The following ATRNL1 variants were observed in gnomAD, a reference collection of about 807,000 sequenced individuals.
ATRNL1 encodes the protein attractin-like protein 1.
ATRNL1 carries 95 observed loss-of-function variants against 182.7 expected under a neutral mutation model. That is an observed-to-expected ratio of 0.52 (90% confidence interval 0.44 to 0.62). ATRNL1 has a LOEUF of 0.62. Ranked by LOEUF, ATRNL1 falls within the 20% of genes least tolerant of loss-of-function variation. The probability of loss-of-function intolerance (pLI) is 0.00; values close to 1 mark genes in which losing one functional copy is unlikely to be tolerated. For missense variants in ATRNL1, 1,471 were observed against 1,679.5 expected (o/e 0.88, Z 2.17); for synonymous variants, 576 against 568.3 (o/e 1.01, Z -0.19).
At chr10:115,836,839 C>T (rs1454375500) in intron 27 of ATRNL1, among the ~76,000 whole-genome samples, 2 of 152,154 alleles carry the variant, frequency 1.3e-5, no homozygotes, top group Non-Finnish European at 2.9e-5. Context: ...GATCTGCTTC[C>T]CAGTTGATAC....
intron 16 of ATRNL1, among the ~76,000 whole-genome samples, 160 bp from the exon 17 acceptor site, chr10:115,301,695 G>C (rs1350423144): frequency 2.6e-5 from 4 of 152,130 alleles, no homozygotes; most frequent in African/African-American, 7.2e-5. Flanking sequence ...ATTTTAAGAA[G>C]TATTGATATA....
chr10:115,568,990 TCAGA>T (rs1281866652), intron 26 of ATRNL1, among the ~76,000 whole-genome samples: 2 of 151,982 alleles, frequency 1.3e-5, no homozygotes, highest in Admixed American at 6.6e-5. Flanking sequence ...AAACCTGAGT[TCAGA>T]CAATTTGCAC....
intron 26 of ATRNL1, among the ~76,000 whole-genome samples, chr10:115,565,124 T>G (rs1854000065): frequency 6.6e-6 from 1 of 151,964 alleles, no homozygotes; most frequent in South Asian, 2.1e-4. Flanking sequence ...GCTATGTAAT[T>G]CTGAGAAATA....
At chr10:115,106,420 T>TG (rs1348744909) in intron 1 of ATRNL1, among the ~76,000 whole-genome samples, 1 of 152,120 alleles carries the variant, frequency 6.6e-6, no homozygotes, top group African/African-American at 2.4e-5. Flanking sequence ...GTTAAGACTT[T>TG]GGGGGACTGT....
intron 26 of ATRNL1, 79 bp from the exon 27 acceptor site, chr10:115,727,169 A>G (rs1014917183): frequency 3.1e-6 from 3 of 973,880 alleles, no homozygotes; most frequent in African/African-American, 3.2e-5. Flanking sequence ...GCCATTTGTT[A>G]AAAGAGGGAA....
rs140660613 is a variant in ATRNL1 at position 115,421,021 on chromosome 10, C to T, written c.3270-5229C>T. ...GAAGAAATAGAAAACCTGGGCAGAC[C>T]AATAATGAGAAACAAGATTGAATCA... On this transcript the variant is annotated intron_variant, in intron 20 of 28. Transcript: ENST00000355044. 4.1e-3 allele frequency among the ~76,000 whole-genome samples: 627 copies of T among 151,972 alleles called. 2 individuals are homozygous for T. The highest frequency in any genetic ancestry group is 0.013 in the African/African-American group (545 of 41,440).
intron 24 of ATRNL1, among the ~76,000 whole-genome samples, chr10:115,498,819 A>T (rs961191543): frequency 2.3e-4 from 35 of 152,054 alleles, no homozygotes; most frequent in Non-Finnish European, 4.4e-4. Context: ...TGTTTTGGGT[A>T]GTAGAACATG....
At chr10:115,691,513 G>A (rs1555048209) in intron 26 of ATRNL1, among the ~76,000 whole-genome samples, 1 of 152,178 alleles carries the variant, frequency 6.6e-6, no homozygotes, top group African/African-American at 2.4e-5. Flanking sequence ...CCTGAGTTCA[G>A]GAATTGGAGA....
At chr10:115,170,994 A>G (rs1847266587) in intron 7 of ATRNL1, 43 bp from the exon 8 acceptor site, 1 of 1,191,134 alleles carries the variant, frequency 8.4e-7, no homozygotes, top group Non-Finnish European at 1.1e-6. Context: ...GTGTTAAGAT[A>G]TAACATTATT....
chr10:115,349,362 C>T (rs528926524), intron 19 of ATRNL1, among the ~76,000 whole-genome samples: 11 of 152,258 alleles, frequency 7.2e-5, no homozygotes, highest in African/African-American at 1.9e-4. Flanking sequence ...GTTCATCTGT[C>T]GATGGACACC....
intron 26 of ATRNL1, among the ~76,000 whole-genome samples, chr10:115,659,099 C>T (rs565708068): frequency 1.3e-5 from 2 of 152,056 alleles, no homozygotes; most frequent in Non-Finnish European, 2.9e-5. Flanking sequence ...ATGGGAACTA[C>T]AGTTCAAGAT....
chr10:115,432,047 T>C (rs1472837045), intron 21 of ATRNL1, among the ~76,000 whole-genome samples: 1 of 152,166 alleles, frequency 6.6e-6, no homozygotes, highest in Non-Finnish European at 1.5e-5. Context: ...GAGCCTCATA[T>C]GTAATTTAAA....
intron 26 of ATRNL1, among the ~76,000 whole-genome samples, chr10:115,672,401 A>T (rs1427854585): frequency 6.6e-6 from 1 of 152,134 alleles, no homozygotes; most frequent in East Asian, 1.9e-4. Context: ...TATTTTAGGA[A>T]TTACTCATAG....
chr10:115,384,687 A>T (rs1199550219), intron 19 of ATRNL1, among the ~76,000 whole-genome samples: 1 of 151,894 alleles, frequency 6.6e-6, no homozygotes, highest in Non-Finnish European at 1.5e-5. Flanking sequence ...AATCTACCCT[A>T]AGCTCATGGG....
At chr10:115,547,125 T>C (rs1263210284) in intron 25 of ATRNL1, among the ~76,000 whole-genome samples, 2 of 151,672 alleles carry the variant, frequency 1.3e-5, no homozygotes, top group Non-Finnish European at 2.9e-5. Flanking sequence ...GGTGGTGGCA[T>C]GCACCTGTAA....
chr10:115,213,970 A>T (rs1459488866), intron 8 of ATRNL1, among the ~76,000 whole-genome samples: 1 of 151,966 alleles, frequency 6.6e-6, no homozygotes, highest in Non-Finnish European at 1.5e-5. Flanking sequence ...TAAATGGGAC[A>T]CAGAATGATG....
chr10:115,137,403 C>T (rs782413827), intron 5 of ATRNL1, among the ~76,000 whole-genome samples: 2 of 152,220 alleles, frequency 1.3e-5, no homozygotes, highest in Non-Finnish European at 2.9e-5. Context: ...TGCTGCCTTG[C>T]AGCTAGTATG....
intron 9 of ATRNL1, among the ~76,000 whole-genome samples, chr10:115,240,450 G>A (rs1554902586): frequency 6.6e-6 from 1 of 151,750 alleles, no homozygotes; most frequent in Admixed American, 6.6e-5. Flanking sequence ...ACAGGGTTTT[G>A]CCCTGGATCA....
rs1953902935 is a variant in ATRNL1 at position 115,947,568 on chromosome 10, C to A, written c.*2789C>A. On this transcript the variant is annotated 3_prime_UTR_variant, in exon 29 of 29. Coordinates refer to ENST00000355044, the MANE Select transcript of ATRNL1 (RefSeq NM_207303.4). ...TAAGAGGATTAGGATTCTCATAATT[C>A]TTTAAATGAAAATTTGTTTTAGTGA... The A allele has an allele frequency of 6.6e-6, 1 of 152,542 alleles. No homozygotes were observed. The highest frequency in any genetic ancestry group is 1.5e-5 in the Non-Finnish European group (1 of 68,028). The allele number at this position is 152,542 out of a possible 1,614,324, so 9.4% of individuals were successfully genotyped here. A position where few individuals can be genotyped will look rare whatever the true frequency, so the allele number is the denominator to read the frequency against.
Sources: gnomAD v4.1 joint callset for allele counts (sites outside exome capture counted in the v4.1 genomes callset) on GRCh38, gnomAD v4.1.1 for gene constraint, MANE v1.5 for transcripts, NCBI Gene and HGNC (gene_info 2026-07-23, HGNC 2026-07-21) for gene names.